Variants in SLC35F1 observed in about 807,000 individuals in gnomAD.
SLC35F1 encodes chromosome 6 open reading frame 169.
Under a neutral mutation model 48.7 loss-of-function variants are expected in SLC35F1, and 14 were observed. The ratio of observed to expected loss-of-function variants is 0.29; its 90% confidence interval spans 0.19 to 0.45. The LOEUF is 0.45. SLC35F1 is among the 20% of genes least tolerant of loss of function. The probability of loss-of-function intolerance (pLI) is 1.00; values close to 1 mark genes in which losing one functional copy is unlikely to be tolerated. For synonymous variants in SLC35F1, 190 were observed against 202.2 expected, an observed-to-expected ratio of 0.94 and a Z score of 0.51; for missense variants, 404 against 500.0, an observed-to-expected ratio of 0.81 and a Z score of 1.83.
At chr6:118,173,716 G>A (rs1421260530) in intron 2 of SLC35F1, among the ~76,000 whole-genome samples, 1 of 152,150 alleles carries the variant, frequency 6.6e-6, no homozygotes, top group African/African-American at 2.4e-5. Context: ...GCCAAGCAAG[G>A]TAGGACTGGA....
intron 2 of SLC35F1, among the ~76,000 whole-genome samples, chr6:118,217,719 A>G (rs1775094406): frequency 6.6e-6 from 1 of 152,202 alleles, no homozygotes; most frequent in Non-Finnish European, 1.5e-5. Context: ...TTCTCCTTGC[A>G]GGAATTATGC....
intron 1 of SLC35F1, among the ~76,000 whole-genome samples, chr6:118,137,581 T>A (rs1055413999): frequency 1.1e-4 from 17 of 152,166 alleles, no homozygotes; most frequent in African/African-American, 4.1e-4. Flanking sequence ...CTTATCAAAG[T>A]GCACTGGACC....
intron 1 of SLC35F1, among the ~76,000 whole-genome samples, chr6:118,024,788 A>T (rs1235202798): frequency 6.6e-6 from 1 of 152,150 alleles, no homozygotes; most frequent in African/African-American, 2.4e-5. Context: ...TGTATTAGAA[A>T]CTTCATCTGC....
intron 1 of SLC35F1, among the ~76,000 whole-genome samples, chr6:118,053,006 A>T (rs549555667): frequency 1.0e-3 from 156 of 152,134 alleles, no homozygotes; most frequent in African/African-American, 3.5e-3. Context: ...ATTATCATTA[A>T]CTTTGATGAG....
intron 1 of SLC35F1, among the ~76,000 whole-genome samples, chr6:117,923,598 T>C (rs549868689): frequency 0.53 from 3,149 of 5,986 alleles, 602 homozygotes; most frequent in Admixed American, 0.64. Context: ...TATACATATG[T>C]GTATATATAC....
chr6:117,946,890 C>T lies in SLC35F1; in HGVS notation c.173+38991C>T, dbSNP rs1776302247. Among the ~76,000 whole-genome samples, 6 of 152,180 alleles carry T rather than the reference C, an allele frequency of 3.9e-5. No individual in the cohort carries two copies. The South Asian group carries it at 8.3e-4, about 21-fold the overall frequency. ...AAGCTGTTAATTTTACTGGTTCATG[C>T]ATTCATTTAACAGGTGTTTACTGAG... On this transcript the variant is annotated intron_variant, in intron 1 of 7. Transcript: ENST00000360388.
intron 7 of SLC35F1, among the ~76,000 whole-genome samples, chr6:118,294,406 C>T (rs1776159263): frequency 1.3e-5 from 2 of 152,146 alleles, no homozygotes; most frequent in Admixed American, 6.6e-5. Context: ...CACTGTATGC[C>T]ATCGCGTGCT....
chr6:117,964,367 A>G (rs142496015), intron 1 of SLC35F1, among the ~76,000 whole-genome samples: 2 of 152,288 alleles, frequency 1.3e-5, no homozygotes, highest in Admixed American at 1.3e-4. Flanking sequence ...TTACTCTCAC[A>G]TCCAATTTAA....
chr6:118,175,806 A>G (rs1182428521), intron 2 of SLC35F1, among the ~76,000 whole-genome samples: 1 of 152,134 alleles, frequency 6.6e-6, no homozygotes, highest in Non-Finnish European at 1.5e-5. Flanking sequence ...GCTTAGTTTG[A>G]CCAGGCACTT....
intron 1 of SLC35F1, among the ~76,000 whole-genome samples, chr6:118,093,806 G>C (rs1773111095): frequency 6.6e-6 from 1 of 152,220 alleles, no homozygotes; most frequent in Admixed American, 6.5e-5. Flanking sequence ...AGAGAGTGCA[G>C]AAGAAGAGTA....
intron 2 of SLC35F1, among the ~76,000 whole-genome samples, chr6:118,193,329 T>C (rs1774757144): frequency 6.6e-6 from 1 of 152,332 alleles, no homozygotes; most frequent in Admixed American, 6.5e-5. Context: ...GATCAGTGCT[T>C]TAAGAAAACC....
intron 6 of SLC35F1, among the ~76,000 whole-genome samples, chr6:118,279,620 T>G (rs188426736): frequency 1.2e-4 from 18 of 152,326 alleles, no homozygotes; most frequent in African/African-American, 4.1e-4. Flanking sequence ...ACTTTCTTTC[T>G]GTGGAACTGG....
chr6:118,045,754 G>T (rs138564039), intron 1 of SLC35F1, among the ~76,000 whole-genome samples: 8 of 152,310 alleles, frequency 5.3e-5, no homozygotes, highest in Admixed American at 4.6e-4. Context: ...AGATGACGCT[G>T]ATGAAGTTAT....
intron 1 of SLC35F1, among the ~76,000 whole-genome samples, chr6:118,142,086 G>T (rs185404934): frequency 6.6e-6 from 1 of 152,136 alleles, no homozygotes; most frequent in East Asian, 1.9e-4. Context: ...CTTATTTTCC[G>T]AATAAAAATC....
chr6:118,286,459 A>G (rs769944095), intron 7 of SLC35F1, among the ~76,000 whole-genome samples: 2 of 152,204 alleles, frequency 1.3e-5, no homozygotes, highest in African/African-American at 2.4e-5. Flanking sequence ...GAGAGAAGCA[A>G]AAGTCATAGC....
At chr6:118,263,334 G>A (rs1036083684) in intron 3 of SLC35F1, among the ~76,000 whole-genome samples, 1 of 152,152 alleles carries the variant, frequency 6.6e-6, no homozygotes, top group African/African-American at 2.4e-5. Flanking sequence ...GGGATTACAG[G>A]TGTGAGCCAC....
chr6:118,254,768 C>T lies in SLC35F1; in HGVS notation c.478-12227C>T, dbSNP rs186832813. ...AAACTTTTATTTCCTTCAATATGTG[C>T]TTTGAAATGTGTACTTGCTTTAATG... On this transcript the variant is annotated intron_variant, in intron 3 of 7. Transcript: ENST00000360388. Among the ~76,000 whole-genome samples, 218 of 152,128 alleles carry T rather than the reference C, an allele frequency of 1.4e-3. 1 individual carries two copies. The highest frequency in any genetic ancestry group is 5.0e-3 in the African/African-American group (207 of 41,506).
chr6:117,992,835 C>T (rs1404136024), intron 1 of SLC35F1, among the ~76,000 whole-genome samples: 2 of 152,192 alleles, frequency 1.3e-5, no homozygotes. Flanking sequence ...CTGAAGAGTA[C>T]TTTAGTTTCA....
intron 1 of SLC35F1, among the ~76,000 whole-genome samples, chr6:117,923,776 T>C (rs1407122526): frequency 1.3e-5 from 1 of 74,322 alleles, no homozygotes; most frequent in African/African-American, 6.9e-5. Context: ...CATACATATG[T>C]ATATATACAT....
Sources: gnomAD v4.1 joint callset for allele counts (sites outside exome capture counted in the v4.1 genomes callset) on GRCh38, gnomAD v4.1.1 for gene constraint, MANE v1.5 for transcripts, NCBI Gene and HGNC (gene_info 2026-07-23, HGNC 2026-07-21) for gene names.